AUTS2: variants seen among roughly 807,000 people sequenced by gnomAD.
AUTS2 encodes the protein activator of transcription and developmental regulator AUTS2, also known as autism susceptibility gene 2 protein.
In AUTS2, 17 loss-of-function variants were observed where a neutral mutation model predicts 112.4. The observed-to-expected ratio is 0.15, with a 90% confidence interval of 0.10 to 0.23. AUTS2 has a LOEUF of 0.23. AUTS2 is among the 10% of genes least tolerant of loss of function. The pLI is 1.00. For synonymous variants in AUTS2, 751 were observed against 702.7 expected (o/e 1.07, Z -1.09); for missense variants, 1,510 against 1,701.6 (o/e 0.89, Z 1.98).
At chr7:70,136,678 G>A (rs1806580026) in intron 4 of AUTS2, among the ~76,000 whole-genome samples, 1 of 152,186 alleles carries the variant, frequency 6.6e-6, no homozygotes, top group Non-Finnish European at 1.5e-5. Flanking sequence ...AATTTTTCAA[G>A]TCTATCCTTA....
At chr7:70,480,399 A>G (rs1404292013) in intron 5 of AUTS2, among the ~76,000 whole-genome samples, 1 of 152,230 alleles carries the variant, frequency 6.6e-6, no homozygotes, top group Non-Finnish European at 1.5e-5. Flanking sequence ...TGCTTTTGCC[A>G]ATCTACATGG....
intron 1 of AUTS2, among the ~76,000 whole-genome samples, chr7:69,858,370 C>T (rs1434033638): frequency 6.6e-6 from 1 of 152,162 alleles, no homozygotes; most frequent in Admixed American, 6.6e-5. Context: ...GAGTCATGCA[C>T]TGCTTTTTAA....
intron 5 of AUTS2, among the ~76,000 whole-genome samples, chr7:70,655,028 G>C (rs893178651): frequency 1.3e-5 from 2 of 152,232 alleles, no homozygotes; most frequent in African/African-American, 4.8e-5. Flanking sequence ...CCTGGAGTTT[G>C]GACACCCACA....
Position 70,746,335 on chromosome 7 carries a change from G to A in AUTS2, c.743-16535G>A, listed in dbSNP as rs1231759951. Among the ~76,000 whole-genome samples, 4 of 152,054 alleles carry A rather than the reference G, an allele frequency of 2.6e-5. No individual in the cohort carries two copies. In the South Asian group the frequency reaches 6.2e-4, roughly 24 times the overall value. The stretch of plus-strand genomic sequence containing the variant: ...TGATTTTTGTATTTTCAGTAGAGAC[G>A]GGGTTTCACCATGTTGGTCAGACTG... On this transcript the variant is annotated intron_variant, in intron 6 of 18. Transcript: ENST00000342771.
At position 70,763,419 on chromosome 7, in the gene AUTS2, C is replaced by T. The variant is rs952064517; in HGVS notation, c.1214+78C>T. 8 of 1,026,942 alleles carry T rather than the reference C, an allele frequency of 7.8e-6. No individual in the cohort carries two copies. The African/African-American group carries it at 1.3e-4, about 17-fold the overall frequency. 63.6% of individuals were successfully genotyped at this position (1,026,942 alleles called of 1,614,324 possible). On this transcript the variant is annotated intron_variant, in intron 7 of 18. Transcript: ENST00000342771. ...GGTGGGTGGGAGTCGGGGAGGGATC[C>T]CTAGGGAGACTGAGGTTTCCTTGTT...
intron 4 of AUTS2, among the ~76,000 whole-genome samples, chr7:70,231,599 T>C (rs1812053481): frequency 6.6e-6 from 1 of 151,274 alleles, no homozygotes; most frequent in Admixed American, 6.6e-5. Flanking sequence ...CCCACCACCA[T>C]GTCCAACTAA....
chr7:70,771,542 G>C lies in AUTS2; in HGVS notation c.1735-7G>C, dbSNP rs1790340540. On this transcript the variant is annotated splice_polypyrimidine_tract_variant and splice_region_variant and intron_variant, in intron 10 of 18. Coordinates refer to ENST00000342771, the MANE Select transcript of AUTS2 (RefSeq NM_015570.4). ...TCTTTTTTCCCCCTCTCCGTCTTTGGCCACAGCTCTTCCATTCCTATCCTC... is the reference window on the plus strand; with the variant it reads ...TCTTTTTTCCCCCTCTCCGTCTTTGCCCACAGCTCTTCCATTCCTATCCTC... 1.2e-6 allele frequency: 2 copies of C among 1,603,850 alleles called. No individual in the cohort carries two copies. Among genetic ancestry groups the C allele is most frequent in the African/African-American group, 2.7e-5 (2 of 74,684 alleles).
intron 1 of AUTS2, among the ~76,000 whole-genome samples, chr7:69,855,780 C>A (rs1792693383): frequency 6.6e-6 from 1 of 152,114 alleles, no homozygotes; most frequent in African/African-American, 2.4e-5. Context: ...CCGTAAAGAA[C>A]AAACAAGGGG....
chr7:70,421,585 A>C (rs895174346), intron 4 of AUTS2, among the ~76,000 whole-genome samples: 19 of 152,056 alleles, frequency 1.2e-4, no homozygotes, highest in African/African-American at 4.6e-4. Flanking sequence ...GTGCTGGTCC[A>C]TTTCTCCACC....
At chr7:70,349,715 T>G (rs186768818) in intron 4 of AUTS2, among the ~76,000 whole-genome samples, 19 of 152,264 alleles carry the variant, frequency 1.2e-4, no homozygotes, top group African/African-American at 4.3e-4. Context: ...ATAGATACTT[T>G]GAGATGGGTG....
chr7:70,255,074 C>CCTTT (rs573880447), intron 4 of AUTS2, among the ~76,000 whole-genome samples: 3 of 129,636 alleles, frequency 2.3e-5, no homozygotes, highest in Admixed American at 8.0e-5. Context: ...TCAAAATTAC[C>CCTTT]TTTTTTTTTT....
intron 6 of AUTS2, among the ~76,000 whole-genome samples, chr7:70,728,197 T>C (rs990005008): frequency 6.6e-6 from 1 of 152,212 alleles, no homozygotes; most frequent in Non-Finnish European, 1.5e-5. Flanking sequence ...TTTGTGATGC[T>C]GTCCTGATCT....
At chr7:70,569,502 T>C (rs1398030377) in intron 5 of AUTS2, among the ~76,000 whole-genome samples, 1 of 152,226 alleles carries the variant, frequency 6.6e-6, no homozygotes, top group Non-Finnish European at 1.5e-5. Flanking sequence ...CCTTCAGTGC[T>C]TCATGGAGGC....
At chr7:70,405,837 A>G (rs1257477410) in intron 4 of AUTS2, among the ~76,000 whole-genome samples, 1 of 152,240 alleles carries the variant, frequency 6.6e-6, no homozygotes, top group Admixed American at 6.5e-5. Context: ...TGTTATATGT[A>G]TTCATGTTTC....
At chr7:70,696,778 T>G (rs916952922) in intron 5 of AUTS2, among the ~76,000 whole-genome samples, 9 of 152,246 alleles carry the variant, frequency 5.9e-5, no homozygotes, top group Non-Finnish European at 1.2e-4. Context: ...AATTTGTTTT[T>G]ACATTTCTTG....
chr7:69,623,547 T>TTTTG (rs746064097), intron 1 of AUTS2, among the ~76,000 whole-genome samples: 47 of 151,912 alleles, frequency 3.1e-4, no homozygotes, highest in Non-Finnish European at 5.3e-4. Flanking sequence ...CATTAGGGTT[T>TTTTG]TTTGTTTGTT....
chr7:70,438,732 G>A (rs915863933), intron 5 of AUTS2, among the ~76,000 whole-genome samples: 2 of 152,166 alleles, frequency 1.3e-5, no homozygotes, highest in Admixed American at 6.5e-5. Context: ...TGCCCCCCTC[G>A]AAGCCCCAGA....
At chr7:70,180,810 A>G (rs1809257498) in intron 4 of AUTS2, among the ~76,000 whole-genome samples, 1 of 152,042 alleles carries the variant, frequency 6.6e-6, no homozygotes, top group Non-Finnish European at 1.5e-5. Context: ...AGTGGTTATT[A>G]TCTTGTCATC....
At chr7:69,788,944 G>A (rs1343435486) in intron 1 of AUTS2, among the ~76,000 whole-genome samples, 2 of 152,100 alleles carry the variant, frequency 1.3e-5, no homozygotes, top group African/African-American at 2.4e-5. Flanking sequence ...CTTGGTTTTT[G>A]TTTTCCAACA....
Sources: allele counts gnomAD v4.1 joint callset (sites outside exome capture counted in the v4.1 genomes callset), GRCh38; gene constraint gnomAD v4.1.1; transcripts MANE v1.5; gene names NCBI Gene and HGNC (gene_info 2026-07-23, HGNC 2026-07-21).